ZFYVE26: variants seen among roughly 807,000 people sequenced by gnomAD.
The protein encoded by ZFYVE26 is zinc finger FYVE-type containing 26.
ZFYVE26 carries 181 observed loss-of-function variants against 276.5 expected under a neutral mutation model. The observed-to-expected ratio is 0.65, with a 90% confidence interval of 0.58 to 0.74. The LOEUF (loss-of-function observed/expected upper bound fraction) is 0.74. Ranked by LOEUF, ZFYVE26 falls within the 30% of genes least tolerant of loss-of-function variation. The pLI, the probability that ZFYVE26 is intolerant of heterozygous loss-of-function variation, is 0.00. For synonymous variants in ZFYVE26, 1,129 were observed against 1,203.1 expected (o/e 0.94, Z 1.27); for missense variants, 2,821 against 3,097.9 (o/e 0.91, Z 2.12).
At chr14:67,801,897 C>T (rs1216283910) in intron 10 of ZFYVE26, among the ~76,000 whole-genome samples, 182 bp downstream of exon 10, 2 of 152,176 alleles carry the variant, frequency 1.3e-5, no homozygotes, top group Non-Finnish European at 2.9e-5. Context: ...CTTAGGCAAT[C>T]ACTTTCTTTT....
Position 67,785,253 on chromosome 14 carries a change from G to A in ZFYVE26, c.3329C>T (p.Ser1110Phe). The A allele has an allele frequency of 1.2e-6, 2 of 1,610,212 alleles. No homozygotes were observed. Among genetic ancestry groups the A allele is most frequent in the Admixed American group, 1.7e-5 (1 of 58,962 alleles). ...TTTCTGGGCTGCCTGCTCCACCAGG[G>A]AAGACAGTGGAGGAGTCCTGGGCTC... ...LPEPRTPPLS[S>F]LVEQAAQKAP... Residue 1110 changes from serine (S) to phenylalanine (F), a missense_variant, in exon 19 of 42, where the codon TCC (serine) becomes TTC (phenylalanine). Coordinates refer to ENST00000347230, the MANE Select transcript of ZFYVE26 (RefSeq NM_015346.4).
chr14:67,757,497 TC>T, intron 35 of ZFYVE26, among the ~76,000 whole-genome samples: 1 of 152,180 alleles, frequency 6.6e-6, no homozygotes, highest in South Asian at 2.1e-4. Flanking sequence ...GATGTCACCT[TC>T]CCTGGGCACC....
Position 67,783,497 on chromosome 14 carries a change from G to A in ZFYVE26, c.3655C>T (p.Leu1219Phe). ...RLAALLAQENLSLSVPQVIVS... is the reference protein window; with the variant it reads ...RLAALLAQENFSLSVPQVIVS... ...ATGACCTGTGGCACACTTAGGCTGA[G>A]ATTCTCTTGGGCCAGAAGGGCTGCC... is the stretch of plus-strand genomic sequence containing the variant. The change falls in exon 21 of 42, where the codon CTC becomes TTC. Residue 1219 changes from leucine (L) to phenylalanine (F), a missense_variant. By Grantham distance (22) the Leu-to-Phe change is conservative. Coordinates refer to ENST00000347230, the MANE Select transcript of ZFYVE26 (RefSeq NM_015346.4). 6.2e-7 allele frequency: 1 copy of A among 1,613,618 alleles called. No individual in the cohort carries two copies. The highest frequency in any genetic ancestry group is 8.5e-7 in the Non-Finnish European group (1 of 1,180,032).
intron 39 of ZFYVE26, among the ~76,000 whole-genome samples, chr14:67,752,892 G>A (rs2038686345): frequency 6.6e-6 from 1 of 152,124 alleles, no homozygotes; most frequent in Non-Finnish European, 1.5e-5. Flanking sequence ...TAAGACGCAG[G>A]TGACTTAGTG....
intron 16 of ZFYVE26, among the ~76,000 whole-genome samples, chr14:67,787,977 C>T (rs1231782946): frequency 6.6e-6 from 1 of 152,136 alleles, no homozygotes; most frequent in Non-Finnish European, 1.5e-5. Context: ...AACAGTGGCT[C>T]ACTGGCCCTA....
At position 67,790,724 on chromosome 14, in the gene ZFYVE26, A is replaced by C; in HGVS notation, c.2603T>G (p.Met868Arg). The change falls in exon 15 of 42, where the codon ATG becomes AGG. Residue 868 changes from methionine (M) to arginine (R), a missense_variant. By Grantham distance (91) the Met-to-Arg change is moderately conservative. Transcript: ENST00000347230. ...LKSSPSSGELMFMERYQEVIQ... is the reference protein window; with the variant it reads ...LKSSPSSGELRFMERYQEVIQ... ...CACTTCCTGGTAGCGCTCCATGAAC[A>C]TCAGTTCCCCTGAACTGGGTGAGGA... The C allele has an allele frequency of 6.2e-7, 1 of 1,614,212 alleles. No individual in the cohort carries two copies. Among genetic ancestry groups the C allele is most frequent in the Admixed American group, 1.7e-5 (1 of 60,018 alleles).
At chr14:67,732,140 A>T (rs949374090) in intron 13 of ZFYVE26, among the ~76,000 whole-genome samples, 3 of 139,302 alleles carry the variant, frequency 2.2e-5, no homozygotes, top group Admixed American at 7.3e-5. Context: ...AAAAAAAAAA[A>T]AAAAAAAAAT....
At chr14:67,729,454 C>T (rs1342912407) in exon 14 of ZFYVE26, 1 of 1,431,018 alleles carries the variant, frequency 7.0e-7, no homozygotes, top group Non-Finnish European at 9.7e-7. Flanking sequence ...GCTGTTCATC[C>T]TGAGAAGCTG....
chr14:67,798,474 A>G lies in ZFYVE26; in HGVS notation c.1788T>C (p.Pro596=). The G allele has an allele frequency of 6.2e-7, 1 of 1,614,202 alleles. No homozygotes were observed. The highest frequency in any genetic ancestry group is 8.5e-7 in the Non-Finnish European group (1 of 1,180,044). ...SADLHPEPHL[P]EDYAEDDDIE... is the part of the protein sequence containing the mutation. Reference sequence around the variant, plus strand: ...TGTCATCATCCTCAGCATAGTCCTCAGGCAAGTGAGGCTCTGGGTGAAGAT... The same window carrying G: ...TGTCATCATCCTCAGCATAGTCCTCGGGCAAGTGAGGCTCTGGGTGAAGAT... The change falls in exon 11 of 42, where the codon CCT becomes CCC. Residue 596 remains proline, a synonymous_variant. Transcript: ENST00000347230.
chr14:67,786,032 G>A lies in ZFYVE26; in HGVS notation c.3140-10C>T. 6.2e-7 allele frequency: 1 copy of A among 1,614,166 alleles called. No homozygotes were observed. The highest frequency in any genetic ancestry group is 8.5e-7 in the Non-Finnish European group (1 of 1,180,034). ...TTTTCTTCCACACTCTCTATGGAAA[G>A]CAAATGAGAAAGAAAAAGTAAAGTC... On this transcript the variant is annotated splice_polypyrimidine_tract_variant and intron_variant, in intron 17 of 41. Transcript: ENST00000347230.
chr14:67,800,361 C>A (rs896634972), intron 10 of ZFYVE26, among the ~76,000 whole-genome samples: 9 of 152,118 alleles, frequency 5.9e-5, no homozygotes, highest in African/African-American at 2.2e-4. Context: ...TGCTGAATGT[C>A]TTGAGTTGGG....
chr14:67,753,926 T>C, intron 38 of ZFYVE26, 145 bp downstream of exon 38: 2 of 1,507,522 alleles, frequency 1.3e-6, no homozygotes, highest in East Asian at 4.5e-5. Context: ...AAAATGGACC[T>C]GATCACCAGT....
At chr14:67,780,158 G>A (rs1331885532) in intron 23 of ZFYVE26, 83 bp downstream of exon 23, 1 of 1,238,338 alleles carries the variant, frequency 8.1e-7, no homozygotes, top group South Asian at 1.3e-5. Context: ...ACATTGATAT[G>A]CAGAAAGGGG....
In ZFYVE26 at chr14:67,755,944, T is replaced by C; in HGVS notation, c.6786+4A>G. The C allele has an allele frequency of 6.2e-7, 1 of 1,614,216 alleles. No homozygotes were observed. The highest frequency in any genetic ancestry group is 8.5e-7 in the Non-Finnish European group (1 of 1,180,034). On this transcript the variant is annotated splice_donor_region_variant and intron_variant, in intron 36 of 41. Coordinates refer to ENST00000347230, the MANE Select transcript of ZFYVE26 (RefSeq NM_015346.4). Reference sequence around the variant, plus strand: ...GGTAGAAGGCAGGAAGGGGCTGCCATTACCTTCATAAACTGCTGCAGCTCA... The same window carrying C: ...GGTAGAAGGCAGGAAGGGGCTGCCACTACCTTCATAAACTGCTGCAGCTCA...
intron 23 of ZFYVE26, among the ~76,000 whole-genome samples, chr14:67,779,696 TC>T (rs1653803742): frequency 1.3e-5 from 2 of 152,158 alleles, no homozygotes; most frequent in Non-Finnish European, 2.9e-5. Flanking sequence ...GTGAGGACAC[TC>T]ATGACCAATG....
Position 67,766,356 on chromosome 14 carries a change from A to G in ZFYVE26, c.5882T>C (p.Leu1961Pro). ...CTCTGGGTTGGTGAGGCCCTTGGAG[A>G]GCCTGCAGCAGTGCTCAATCAGCTG... ...GHQLIEHCCR[L>P]SKGLTNPEVD... The change falls in exon 32 of 42, where the codon CTC becomes CCC. Residue 1961 changes from leucine to proline, a missense_variant. Coordinates refer to ENST00000347230, the MANE Select transcript of ZFYVE26 (RefSeq NM_015346.4). 6.2e-7 allele frequency: 1 copy of G among 1,613,096 alleles called. No homozygotes were observed. The highest frequency in any genetic ancestry group is 8.5e-7 in the Non-Finnish European group (1 of 1,180,014).
chr14:67,745,616 T>C (rs2038474067), downstream of ZFYVE26, among the ~76,000 whole-genome samples: 1 of 152,080 alleles, frequency 6.6e-6, no homozygotes, highest in Non-Finnish European at 1.5e-5. Flanking sequence ...CAGTTTAAGC[T>C]AAGTTTGAGT....
Position 67,752,538 on chromosome 14 carries a change from C to T in ZFYVE26, c.7189-12G>A, listed in dbSNP as rs2038676807. 1 of 1,614,076 alleles carries T rather than the reference C, an allele frequency of 6.2e-7. No individual in the cohort carries two copies. Reference sequence around the variant, plus strand: ...TCCAGCTGGAAGTCCTAGAACAGAACACAACATGATGGGCTTAGGAGCAGG... The same window carrying T: ...TCCAGCTGGAAGTCCTAGAACAGAATACAACATGATGGGCTTAGGAGCAGG... On this transcript the variant is annotated splice_polypyrimidine_tract_variant and intron_variant, in intron 39 of 41. Coordinates refer to ENST00000347230, the MANE Select transcript of ZFYVE26 (RefSeq NM_015346.4).
At chr14:67,802,561 C>T (rs1451527051) in intron 9 of ZFYVE26, among the ~76,000 whole-genome samples, 1 of 152,230 alleles carries the variant, frequency 6.6e-6, no homozygotes, top group Non-Finnish European at 1.5e-5. Context: ...TTGCACCTGA[C>T]AGTGAGTGCC....
Sources: allele counts gnomAD v4.1 joint callset (sites outside exome capture counted in the v4.1 genomes callset), GRCh38; gene constraint gnomAD v4.1.1; transcripts MANE v1.5; gene names NCBI Gene and HGNC (gene_info 2026-07-23, HGNC 2026-07-21).